Variants in TTPA observed in about 807,000 individuals in gnomAD.
The protein encoded by TTPA is alpha tocopherol transfer protein.
A neutral mutation model predicts 25.9 loss-of-function variants in TTPA; 23 were observed. The ratio of observed to expected loss-of-function variants is 0.89; its 90% CI spans 0.64 to 1.26. The LOEUF is 1.26. TTPA is among the 50% of genes most tolerant of loss of function. TTPA has a pLI of 0.00. For synonymous variants in TTPA, 148 were observed against 137.3 expected (o/e 1.08, Z -0.54); for missense variants, 337 against 353.1 (o/e 0.95, Z 0.37).
intron 1 of TTPA, among the ~76,000 whole-genome samples, chr8:63,075,058 T>C (rs1220299965): frequency 1.3e-5 from 2 of 152,246 alleles, no homozygotes; most frequent in African/African-American, 4.8e-5. Context: ...GGTCTTTACT[T>C]ATCCACTGAT....
chr8:63,074,623 C>T (rs573135890), intron 1 of TTPA, among the ~76,000 whole-genome samples: 92 of 152,202 alleles, frequency 6.0e-4, no homozygotes, highest in Non-Finnish European at 1.2e-3. Context: ...CGGTGCATTT[C>T]TCTTCCTCCT....
chr8:63,081,249 A>G (rs184808949), intron 1 of TTPA, among the ~76,000 whole-genome samples: 53 of 147,936 alleles, frequency 3.6e-4, no homozygotes, highest in African/African-American at 1.2e-3. Context: ...TCAATAAAAT[A>G]CTGGCAAACC....
chr8:63,085,908 A>T lies in TTPA; in HGVS notation c.114T>A (p.Ala38=), dbSNP rs1805744682. ...GCGGCAGCGGCGCGAGCGGGACGCC[A>T]GCTTCCCGGGCCCGGCGCCGCAGCG... The part of the protein sequence containing the change: ...LAALRRRARE[A]GVPLAPLPLT... Residue 38 remains alanine (A), a synonymous_variant, in exon 1 of 5, where the codon GCT becomes GCA. Transcript: ENST00000260116. 2.0e-6 allele frequency: 3 copies of T among 1,527,510 alleles called. No individual in the cohort carries two copies. Among genetic ancestry groups the T allele is most frequent in the Non-Finnish European group, 2.6e-6 (3 of 1,142,888 alleles). The allele number at this position is 1,527,510 out of a possible 1,614,324, so 94.6% of individuals were successfully genotyped here. A position where few individuals can be genotyped will look rare whatever the true frequency, so the allele number is the denominator to read the frequency against.
intron 1 of TTPA, among the ~76,000 whole-genome samples, chr8:63,076,220 G>A (rs1805559884): frequency 6.6e-6 from 1 of 152,110 alleles, no homozygotes; most frequent in Non-Finnish European, 1.5e-5. Flanking sequence ...ACTTACCAAA[G>A]TATGTTGCAT....
intron 2 of TTPA, among the ~76,000 whole-genome samples, chr8:63,067,770 C>T (rs1295479599): frequency 6.6e-6 from 1 of 152,062 alleles, no homozygotes; most frequent in East Asian, 1.9e-4. Context: ...CCCCTCCCTC[C>T]CTCTCCTCTC....
intron 2 of TTPA, among the ~76,000 whole-genome samples, chr8:63,067,101 G>T (rs1012719397): frequency 6.6e-6 from 1 of 151,956 alleles, no homozygotes; most frequent in African/African-American, 2.4e-5. Flanking sequence ...TCAGCAGGGG[G>T]TGGGGAGAAT....
intron 4 of TTPA, among the ~76,000 whole-genome samples, chr8:63,062,952 T>C (rs1254773022): frequency 2.0e-5 from 3 of 152,220 alleles, no homozygotes; most frequent in South Asian, 2.1e-4. Flanking sequence ...AAAGTGGCCA[T>C]TTTTGCTAAA....
chr8:63,059,039 T>TTTTTTTGTTTTGTTTTG, downstream of TTPA, among the ~76,000 whole-genome samples: 2 of 132,022 alleles, frequency 1.5e-5, no homozygotes, highest in African/African-American at 5.8e-5. Context: ...TTTTTTTTTT[T>TTTTTTTGTTTTGTTTTG]TTTTTTTTTT....
At chr8:63,059,033 T>TG (rs1805249775), downstream of TTPA, among the ~76,000 whole-genome samples, 1 of 124,922 alleles carries the variant, frequency 8.0e-6, no homozygotes, top group Non-Finnish European at 1.7e-5. Context: ...TTTTTTTTTT[T>TG]TTTTTTTTTT....
At chr8:63,066,663 C>T (rs1805395565) in intron 2 of TTPA, among the ~76,000 whole-genome samples, 1 of 152,132 alleles carries the variant, frequency 6.6e-6, no homozygotes, top group Non-Finnish European at 1.5e-5. Context: ...ACAGGGAGTA[C>T]CTGTGCTAAG....
At position 63,060,084 on chromosome 8, in the gene TTPA, A is replaced by T. The variant is rs1805279647; in HGVS notation, c.*1168T>A. ...TAGTCAAACTCATATTATTTTATGC[A>T]TAATCTGAAAAATACCAGATGTAAT... On this transcript the variant is annotated 3_prime_UTR_variant, in exon 5 of 5. Transcript: ENST00000260116. 6.6e-6 allele frequency: 1 copy of T among 152,250 alleles called. No homozygotes were observed. The highest frequency in any genetic ancestry group is 1.5e-5 in the Non-Finnish European group (1 of 68,042). 9.4% of individuals were successfully genotyped at this position (152,250 alleles called of 1,614,324 possible).
chr8:63,071,362 C>G (rs1213220859), intron 2 of TTPA, among the ~76,000 whole-genome samples: 1 of 151,974 alleles, frequency 6.6e-6, no homozygotes, highest in East Asian at 1.9e-4. Flanking sequence ...TATAAGCAGG[C>G]AAGAAATGCA....
At chr8:63,074,389 TTCTC>T (rs1301875826) in intron 1 of TTPA, among the ~76,000 whole-genome samples, 3 of 152,206 alleles carry the variant, frequency 2.0e-5, no homozygotes, top group South Asian at 2.1e-4. Context: ...CTCCCTCTCT[TTCTC>T]TCTCTGTCTG....
intron 1 of TTPA, among the ~76,000 whole-genome samples, chr8:63,083,092 A>G (rs1320472153): frequency 6.6e-6 from 1 of 152,226 alleles, no homozygotes; most frequent in Non-Finnish European, 1.5e-5. Context: ...TTCCTCAAGG[A>G]TCTAGAACTA....
Position 63,065,971 on chromosome 8 carries a change from C to T in TTPA, c.485G>A (p.Gly162Asp), listed in dbSNP as rs1585687832. The change falls in exon 3 of 5, where the codon GGT becomes GAT. Residue 162 changes from glycine (G) to aspartate (D), a missense_variant. Transcript: ENST00000260116. ...TTGAAAAGCATGAGAAAACTGCCAA[C>T]CTTCCAGATCAAAGATAGCCTTGAT... ...NGIKAIFDLE[G>D]WQFSHAFQIT... The T allele has an allele frequency of 2.5e-6, 4 of 1,614,056 alleles. No homozygotes were observed. The highest frequency in any genetic ancestry group is 3.4e-6 in the Non-Finnish European group (4 of 1,179,990).
chr8:63,072,852 G>A, intron 2 of TTPA, 83 bp downstream of exon 2: 1 of 1,506,888 alleles, frequency 6.6e-7, no homozygotes, highest in South Asian at 1.2e-5. Flanking sequence ...GGAAGAAATG[G>A]AAGAAAGAGA....
chr8:63,060,135 C>T lies in TTPA; in HGVS notation c.*1117G>A, dbSNP rs139507839. ...TGACAGTAATTTTTTAAAATGTAAA[C>T]ATTTCCTTTCCTTTGTGTAGTTACG... On this transcript the variant is annotated 3_prime_UTR_variant, in exon 5 of 5. Coordinates refer to ENST00000260116, the MANE Select transcript of TTPA (RefSeq NM_000370.3). 1 of 152,214 alleles carries T rather than the reference C, an allele frequency of 6.6e-6. No individual in the cohort carries two copies. The highest frequency in any genetic ancestry group is 1.9e-4 in the East Asian group (1 of 5,186). The allele number at this position is 152,214 out of a possible 1,614,324, so 9.4% of individuals were successfully genotyped here.
At chr8:63,067,036 C>A (rs1266080224) in intron 2 of TTPA, among the ~76,000 whole-genome samples, 1 of 151,288 alleles carries the variant, frequency 6.6e-6, no homozygotes, top group Non-Finnish European at 1.5e-5. Context: ...GGCAACATAG[C>A]AAGAACCGGT....
At chr8:63,078,644 A>G (rs1805611035) in intron 1 of TTPA, among the ~76,000 whole-genome samples, 1 of 152,238 alleles carries the variant, frequency 6.6e-6, no homozygotes. Flanking sequence ...GAGAAAAAAG[A>G]GTAAAAAGAA....
Sources: gnomAD v4.1 joint callset for allele counts (sites outside exome capture counted in the v4.1 genomes callset) on GRCh38, gnomAD v4.1.1 for gene constraint, MANE v1.5 for transcripts, NCBI Gene and HGNC (gene_info 2026-07-23, HGNC 2026-07-21) for gene names.